The following ZNF365 variants were observed in gnomAD, a reference collection of about 807,000 sequenced individuals.
The protein encoded by ZNF365 is zinc finger protein 365.
ZNF365 carries 22 observed loss-of-function variants against 35.0 expected under a neutral mutation model. The ratio of observed to expected loss-of-function variants is 0.63; its 90% confidence interval spans 0.45 to 0.90. The LOEUF (loss-of-function observed/expected upper bound fraction) is 0.90. ZNF365 is among the 40% of genes least tolerant of loss of function. The probability of loss-of-function intolerance (pLI) is 0.00; values close to 1 mark genes in which losing one functional copy is unlikely to be tolerated. For synonymous variants in ZNF365, 188 were observed against 196.2 expected (o/e 0.96, Z 0.35); for missense variants, 448 against 500.3 (o/e 0.90, Z 1.00).
At chr10:62,383,327 T>G (rs1388145573) in intron 2 of ZNF365, among the ~76,000 whole-genome samples, 2 of 152,190 alleles carry the variant, frequency 1.3e-5, no homozygotes, top group Admixed American at 6.5e-5. Context: ...AGGTACAAAC[T>G]TCTGTGGAAA....
At chr10:62,433,848 T>C (rs1840368227) in intron 3 of ZNF365, among the ~76,000 whole-genome samples, 1 of 152,190 alleles carries the variant, frequency 6.6e-6, no homozygotes, top group Non-Finnish European at 1.5e-5. Flanking sequence ...GGTGCTTAGT[T>C]TCCTTGTGTG....
downstream of ZNF365, among the ~76,000 whole-genome samples, chr10:62,403,708 G>A (rs1839866158): frequency 2.0e-5 from 3 of 152,260 alleles, no homozygotes; most frequent in South Asian, 6.2e-4. Context: ...GACCCACTCA[G>A]TTCAAACCTG....
Position 62,399,599 on chromosome 10 carries a change from A to G in ZNF365, c.1034A>G (p.Asn345Ser). ...LKAHFHPKGR[N>S]HLKKAKDDRA... ...GCCCATTTCCACCCAAAGGGAAGGA[A>G]CCACCTGAAAAAGGCCAAGGATGAC... is the stretch of plus-strand genomic sequence containing the variant. The change falls in exon 5 of 5, where the codon AAC becomes AGC. Residue 345 changes from asparagine to serine, a missense_variant. Physicochemically the swap from Asn to Ser is conservative, Grantham distance 46. Around this residue, in one of 3 missense-constraint regions of ZNF365, gnomAD observed 362 missense variants for 375.7 expected, o/e 0.96. Transcript: ENST00000395254. 3 of 1,614,084 alleles carry G rather than the reference A, an allele frequency of 1.9e-6. No homozygotes were observed. The highest frequency in any genetic ancestry group is 2.5e-6 in the Non-Finnish European group (3 of 1,180,010).
intron 4 of ZNF365, among the ~76,000 whole-genome samples, chr10:62,478,644 G>A (rs772138711): frequency 1.3e-5 from 2 of 152,166 alleles, no homozygotes; most frequent in Non-Finnish European, 1.5e-5. Flanking sequence ...CACTATCTCC[G>A]CTCACTGCAA....
chr10:62,477,063 C>G (rs1841144397), intron 4 of ZNF365, among the ~76,000 whole-genome samples: 1 of 152,180 alleles, frequency 6.6e-6, no homozygotes, highest in Admixed American at 6.5e-5. Flanking sequence ...AGATACCACG[C>G]CTGGCATGGG....
chr10:62,464,408 A>G (rs1840898525), intron 4 of ZNF365, among the ~76,000 whole-genome samples: 1 of 152,208 alleles, frequency 6.6e-6, no homozygotes, highest in Non-Finnish European at 1.5e-5. Flanking sequence ...CCATTGTTGG[A>G]ATTTAAGATC....
At chr10:62,452,798 T>C (rs1840704414) in intron 3 of ZNF365, among the ~76,000 whole-genome samples, 1 of 152,240 alleles carries the variant, frequency 6.6e-6, no homozygotes, top group Non-Finnish European at 1.5e-5. Context: ...TGAAAAGCAC[T>C]GGTCATGTTA....
chr10:62,380,386 G>A (rs1006389057), intron 2 of ZNF365, among the ~76,000 whole-genome samples: 1 of 152,024 alleles, frequency 6.6e-6, no homozygotes, highest in African/African-American at 2.4e-5. Context: ...ATTTTCTTTA[G>A]CTTACTTTAA....
chr10:62,379,522 CT>C (rs1387097239), intron 2 of ZNF365, among the ~76,000 whole-genome samples: 1 of 151,924 alleles, frequency 6.6e-6, no homozygotes, highest in Non-Finnish European at 1.5e-5. Context: ...AATAATCACT[CT>C]TTCTGTACAT....
Position 62,473,738 on chromosome 10 carries a change from T to C in ZNF365, c.982-6138T>C, listed in dbSNP as rs115779396. Among the ~76,000 whole-genome samples the C allele has an allele frequency of 6.4e-3, 974 of 152,216 alleles. 11 individuals are homozygous for C. The highest frequency in any genetic ancestry group is 0.022 in the African/African-American group (927 of 41,530). ...TATAAATTGTCCCACTGGGGGTTTGTTAGTGTATCGATTAGAATGCTTTTC... is the reference window on the plus strand; with the variant it reads ...TATAAATTGTCCCACTGGGGGTTTGCTAGTGTATCGATTAGAATGCTTTTC... On this transcript the variant is annotated intron_variant, in intron 4 of 4. Coordinates refer to the ZNF365 transcript ENST00000395255.
At chr10:62,474,519 G>A (rs777078350) in intron 4 of ZNF365, among the ~76,000 whole-genome samples, 2 of 152,162 alleles carry the variant, frequency 1.3e-5, no homozygotes, top group African/African-American at 2.4e-5. Context: ...GACTATTTCT[G>A]TGAGAGCCTA....
At chr10:62,480,053 C>G in exon 5 of ZNF365, 1 of 1,370,766 alleles carries the variant, frequency 7.3e-7, no homozygotes, top group Non-Finnish European at 9.7e-7. Context: ...GGTGACTTTA[C>G]TCACCAGGAG....
intron 4 of ZNF365, among the ~76,000 whole-genome samples, chr10:62,462,276 T>C (rs1211007800): frequency 6.6e-6 from 1 of 152,194 alleles, no homozygotes; most frequent in East Asian, 1.9e-4. Context: ...TCTCTTCATA[T>C]CAAATAGGTA....
intron 3 of ZNF365, among the ~76,000 whole-genome samples, chr10:62,415,369 C>T (rs547254422): frequency 1.3e-5 from 2 of 152,124 alleles, no homozygotes; most frequent in African/African-American, 2.4e-5. Context: ...AGGGTTTGAA[C>T]TGAGTTGAGG....
chr10:62,434,176 AT>A (rs1413633375), intron 3 of ZNF365, among the ~76,000 whole-genome samples: 3 of 152,148 alleles, frequency 2.0e-5, no homozygotes, highest in African/African-American at 7.2e-5. Flanking sequence ...ACCTTGGGTG[AT>A]TTTTTTGTTC....
downstream of ZNF365, among the ~76,000 whole-genome samples, chr10:62,403,217 AGG>A (rs150055029): frequency 7.4e-3 from 1,130 of 152,334 alleles, 15 homozygotes; most frequent in African/African-American, 0.025. Context: ...GAAAATCATA[AGG>A]AAGAGAAGAT....
chr10:62,390,011 G>A (rs938385656), intron 3 of ZNF365, among the ~76,000 whole-genome samples: 1 of 152,012 alleles, frequency 6.6e-6, no homozygotes, highest in Non-Finnish European at 1.5e-5. Flanking sequence ...TGGCTGGAGG[G>A]ACTATCTGAG....
At chr10:62,461,485 C>T (rs1840846491) in intron 4 of ZNF365, among the ~76,000 whole-genome samples, 1 of 152,210 alleles carries the variant, frequency 6.6e-6, no homozygotes. Context: ...CAGATGGGGG[C>T]TTGGGTGGAC....
intron 3 of ZNF365, among the ~76,000 whole-genome samples, chr10:62,445,887 G>A (rs2132468703): frequency 6.6e-6 from 1 of 152,180 alleles, no homozygotes; most frequent in South Asian, 2.1e-4. Flanking sequence ...ATTGGAACGA[G>A]GCAGAGATCC....
Sources: allele counts gnomAD v4.1 joint callset (sites outside exome capture counted in the v4.1 genomes callset), GRCh38; gene constraint gnomAD v4.1.1; regional missense constraint gnomAD v4.1.1; transcripts MANE v1.5; gene names NCBI Gene and HGNC (gene_info 2026-07-23, HGNC 2026-07-21).